TM9SF4: variants seen among roughly 807,000 people sequenced by gnomAD.
TM9SF4 encodes the protein transmembrane 9 superfamily member 4, also known as dinucleotide oxidase disulfide thiol exchanger 3 superfamily member 4.
Under a neutral mutation model 90.4 loss-of-function variants are expected in TM9SF4, and 26 were observed. The ratio of observed to expected loss-of-function variants is 0.29; its 90% confidence interval spans 0.21 to 0.40. The LOEUF (loss-of-function observed/expected upper bound fraction) is 0.40. Ranked by LOEUF, TM9SF4 falls within the 10% of genes least tolerant of loss-of-function variation. TM9SF4 has a pLI of 1.00. For synonymous variants in TM9SF4, 293 were observed against 315.4 expected, an observed-to-expected ratio of 0.93 and a Z score of 0.75; for missense variants, 549 against 834.8, an observed-to-expected ratio of 0.66 and a Z score of 4.22.
chr20:32,138,005 CTG>C (rs982045106), intron 3 of TM9SF4, among the ~76,000 whole-genome samples: 2 of 152,206 alleles, frequency 1.3e-5, no homozygotes, highest in Non-Finnish European at 2.9e-5. Context: ...GATAGTAACT[CTG>C]TAAGCTGAGT....
At chr20:32,124,216 T>C (rs952709479) in intron 1 of TM9SF4, among the ~76,000 whole-genome samples, 6 of 152,116 alleles carry the variant, frequency 3.9e-5, no homozygotes, top group Non-Finnish European at 7.3e-5. Context: ...ATTTCTCTTT[T>C]CAAAATCATC....
At chr20:32,154,727 G>A (rs2046893160) in intron 12 of TM9SF4, among the ~76,000 whole-genome samples, 2 of 151,904 alleles carry the variant, frequency 1.3e-5, no homozygotes, top group African/African-American at 4.8e-5. Context: ...TGCTGGGATT[G>A]CAGGCATGAG....
chr20:32,148,019 G>A lies in TM9SF4; in HGVS notation c.954+1164G>A, dbSNP rs116329643. Among the ~76,000 whole-genome samples the A allele has an allele frequency of 8.6e-3, 1,312 of 152,250 alleles. 23 individuals carry two copies. The highest frequency in any genetic ancestry group is 0.03 in the African/African-American group (1,259 of 41,528). On this transcript the variant is annotated intron_variant, in intron 9 of 17. Coordinates refer to ENST00000398022, the MANE Select transcript of TM9SF4 (RefSeq NM_014742.4). ...TCCAGCTACTCGGGATGCTGAGGCC[G>A]GAGATCACTTGAACCTGGGAGGTAG...
chr20:32,152,028 ATT>A (rs764612840), intron 12 of TM9SF4, among the ~76,000 whole-genome samples: 6 of 139,534 alleles, frequency 4.3e-5, no homozygotes, highest in Admixed American at 7.2e-5. Context: ...CACCTGGCTA[ATT>A]TTTTTTTTTT....
At chr20:32,143,438 C>G (rs1392599377) in intron 6 of TM9SF4, among the ~76,000 whole-genome samples, 2 of 152,206 alleles carry the variant, frequency 1.3e-5, no homozygotes, top group East Asian at 3.8e-4. Context: ...GTTGGGCCTC[C>G]TCACAAGAAC....
intron 17 of TM9SF4, among the ~76,000 whole-genome samples, chr20:32,161,817 G>A (rs2047023044): frequency 6.6e-6 from 1 of 152,182 alleles, no homozygotes; most frequent in Non-Finnish European, 1.5e-5. Context: ...CAAATTTAGG[G>A]CTGCAGGTAT....
At chr20:32,116,892 T>G (rs2046234327) in intron 1 of TM9SF4, among the ~76,000 whole-genome samples, 1 of 112,664 alleles carries the variant, frequency 8.9e-6, no homozygotes, top group Non-Finnish European at 1.7e-5. Context: ...TTTTTTTGCT[T>G]AATCTGAGGG....
chr20:32,115,335 T>C (rs1053847710), intron 1 of TM9SF4, among the ~76,000 whole-genome samples: 1 of 152,174 alleles, frequency 6.6e-6, no homozygotes, highest in Non-Finnish European at 1.5e-5. Context: ...TCAGAGAATG[T>C]TGGAGAAGGC....
In TM9SF4 at chr20:32,141,529, A is replaced by AC. The variant is rs1362137654; in HGVS notation, c.266dup (p.Gln91ProfsTer11). On this transcript the variant is annotated frameshift_variant, in exon 4 of 18. Coordinates refer to ENST00000398022, the MANE Select transcript of TM9SF4 (RefSeq NM_014742.4). LOFTEE classifies it high-confidence loss of function. ...GCTGAGAGGGGACCGGATTGTCAAC[A>AC]CCCCTTTCCAGGTTCTCATGAACAG... 1 of 1,613,892 alleles carries AC rather than the reference A, an allele frequency of 6.2e-7. No homozygotes were observed. Among genetic ancestry groups the AC allele is most frequent in the South Asian group, 1.1e-5 (1 of 91,064 alleles).
intron 1 of TM9SF4, among the ~76,000 whole-genome samples, chr20:32,111,950 G>A (rs889935099): frequency 3.3e-5 from 5 of 152,146 alleles, no homozygotes; most frequent in African/African-American, 4.8e-5. Context: ...GAAGGACTGC[G>A]GTCTACATTT....
chr20:32,122,521 C>G (rs2046338176), intron 1 of TM9SF4, among the ~76,000 whole-genome samples: 2 of 151,588 alleles, frequency 1.3e-5, no homozygotes, highest in African/African-American at 2.4e-5. Flanking sequence ...TCCTCACCTC[C>G]CAGACGGGGT....
At chr20:32,118,952 G>GGATTATTTTA (rs763663618) in intron 1 of TM9SF4, among the ~76,000 whole-genome samples, 375 of 152,192 alleles carry the variant, frequency 2.5e-3, no homozygotes, top group Non-Finnish European at 4.4e-3. Context: ...TAATAAGGGT[G>GGATTATTTTA]ATCCATGTAT....
chr20:32,131,519 G>C (rs1298485282), intron 1 of TM9SF4, among the ~76,000 whole-genome samples: 1 of 145,114 alleles, frequency 6.9e-6, no homozygotes, highest in African/African-American at 2.7e-5. Context: ...TTGGTTAGTT[G>C]GTTGCTTGGT....
At position 32,154,001 on chromosome 20, in the gene TM9SF4, G is replaced by C. The variant is rs540990385; in HGVS notation, c.1246-1102G>C. Among the ~76,000 whole-genome samples the C allele has an allele frequency of 1.7e-4, 26 of 152,248 alleles. 1 individual carries two copies. The highest frequency in any genetic ancestry group is 5.8e-4 in the African/African-American group (24 of 41,536). On this transcript the variant is annotated intron_variant, in intron 12 of 17. Coordinates refer to ENST00000398022, the MANE Select transcript of TM9SF4 (RefSeq NM_014742.4). The stretch of plus-strand genomic sequence containing the variant: ...GTCCTCATTAAAAGGAATAATGGTA[G>C]ACTTTCCTTCCAGACTTGCGTGAGG...
intron 3 of TM9SF4, chr20:32,136,922 G>C: frequency 2.1e-6 from 1 of 471,162 alleles, no homozygotes; most frequent in Non-Finnish European, 4.4e-6. Context: ...CCCTGAAAGG[G>C]CTGCCTTCTC....
At chr20:32,112,242 C>T (rs1432641853) in intron 1 of TM9SF4, among the ~76,000 whole-genome samples, 2 of 151,510 alleles carry the variant, frequency 1.3e-5, no homozygotes, top group Non-Finnish European at 1.5e-5. Context: ...AACCCCTCTA[C>T]AAAAAAAATA....
At chr20:32,117,858 G>T (rs1034637681) in intron 1 of TM9SF4, among the ~76,000 whole-genome samples, 1 of 152,108 alleles carries the variant, frequency 6.6e-6, no homozygotes, top group African/African-American at 2.4e-5. Context: ...GACGTTGAAT[G>T]GGCTGGTTCA....
intron 1 of TM9SF4, among the ~76,000 whole-genome samples, chr20:32,132,566 C>T (rs1049897903): frequency 5.3e-5 from 8 of 152,100 alleles, no homozygotes; most frequent in Admixed American, 3.3e-4. Flanking sequence ...GTGAGAGAGG[C>T]CAGCACGGTT....
At chr20:32,161,397 C>G (rs1364411944) in intron 17 of TM9SF4, 32 bp downstream of exon 17, 1 of 1,597,210 alleles carries the variant, frequency 6.3e-7, no homozygotes, top group Non-Finnish European at 8.6e-7. Flanking sequence ...TCCTCTTAGT[C>G]CTCATAGGGT....
Sources: gnomAD v4.1 joint callset for allele counts (sites outside exome capture counted in the v4.1 genomes callset) on GRCh38, gnomAD v4.1.1 for gene constraint, MANE v1.5 for transcripts, NCBI Gene and HGNC (gene_info 2026-07-23, HGNC 2026-07-21) for gene names.